The following TEX14 variants were observed in gnomAD, a reference collection of about 807,000 sequenced individuals.
TEX14 encodes inactive serine/threonine-protein kinase TEX14.
Under a neutral mutation model 178.6 loss-of-function variants are expected in TEX14, and 168 were observed. The observed-to-expected ratio is 0.94, with a 90% CI of 0.83 to 1.07. The LOEUF (loss-of-function observed/expected upper bound fraction) is 1.07. Ranked by LOEUF, TEX14 falls within the 50% of genes least tolerant of loss-of-function variation. The probability of loss-of-function intolerance (pLI) is 0.00; values close to 1 mark genes in which losing one functional copy is unlikely to be tolerated. For synonymous variants in TEX14, 626 were observed against 634.1 expected, an observed-to-expected ratio of 0.99 and a Z score of 0.19; for missense variants, 1,730 against 1,753.6, an observed-to-expected ratio of 0.99 and a Z score of 0.24.
chr17:58,596,399 A>C (rs1473004252), intron 14 of TEX14, among the ~76,000 whole-genome samples: 1 of 151,920 alleles, frequency 6.6e-6, no homozygotes, highest in Non-Finnish European at 1.5e-5. Context: ...CTCCCACTTC[A>C]GCCTCCCAAG....
chr17:58,655,159 C>T (rs1280434774), intron 1 of TEX14, among the ~76,000 whole-genome samples: 1 of 151,326 alleles, frequency 6.6e-6, no homozygotes, highest in African/African-American at 2.4e-5. Flanking sequence ...ATTACAGGCG[C>T]CTGCCACCAC....
intron 1 of TEX14, among the ~76,000 whole-genome samples, chr17:58,677,170 A>G (rs1354568243): frequency 2.0e-5 from 3 of 151,776 alleles, no homozygotes; most frequent in Admixed American, 2.0e-4. Context: ...ACATGCCTGT[A>G]CAGCTACTTG....
chr17:58,597,942 T>C (rs957671336), intron 14 of TEX14, among the ~76,000 whole-genome samples: 1 of 152,140 alleles, frequency 6.6e-6, no homozygotes, highest in Non-Finnish European at 1.5e-5. Flanking sequence ...GGGTTTTCTT[T>C]GATCCACCAG....
chr17:58,566,207 C>T (rs1022030081), intron 26 of TEX14, among the ~76,000 whole-genome samples: 1 of 152,178 alleles, frequency 6.6e-6, no homozygotes, highest in Non-Finnish European at 1.5e-5. Flanking sequence ...TCTAAGCACT[C>T]GCATACATTA....
chr17:58,651,287 GA>G (rs2046835208), intron 2 of TEX14, among the ~76,000 whole-genome samples: 1 of 151,572 alleles, frequency 6.6e-6, no homozygotes, highest in South Asian at 2.1e-4. Context: ...AAAAGAAAAA[GA>G]AAAAAAACAG....
intron 2 of TEX14, among the ~76,000 whole-genome samples, chr17:58,637,396 C>T (rs940067018): frequency 5.3e-5 from 8 of 152,208 alleles, no homozygotes; most frequent in African/African-American, 1.9e-4. Context: ...ATCAGGATGA[C>T]AGCTGGTCAC....
chr17:58,679,696 C>T (rs922788031), intron 1 of TEX14: 6 of 152,098 alleles, frequency 3.9e-5, no homozygotes, highest in African/African-American at 1.2e-4. Context: ...AGTATGAGTC[C>T]CCAGCGCTGC....
intron 2 of TEX14, among the ~76,000 whole-genome samples, chr17:58,646,710 C>CAA (rs764099071): frequency 2.6e-5 from 4 of 152,152 alleles, no homozygotes; most frequent in Non-Finnish European, 4.4e-5. Flanking sequence ...ACCCCATAGA[C>CAA]AAGGAGGCTC....
intron 15 of TEX14, among the ~76,000 whole-genome samples, chr17:58,588,921 A>T (rs1377533500): frequency 1.3e-5 from 2 of 152,178 alleles, no homozygotes; most frequent in Non-Finnish European, 2.9e-5. Context: ...AAACAAATAA[A>T]GTTTATAAAT....
intron 21 of TEX14, among the ~76,000 whole-genome samples, chr17:58,576,191 A>C (rs1392868122): frequency 6.6e-6 from 1 of 152,242 alleles, no homozygotes; most frequent in Non-Finnish European, 1.5e-5. Flanking sequence ...AATTGTAAGA[A>C]ATACACTTTA....
At chr17:58,655,330 C>T (rs1181830109) in intron 1 of TEX14, among the ~76,000 whole-genome samples, 3 of 152,000 alleles carry the variant, frequency 2.0e-5, no homozygotes, top group Non-Finnish European at 2.9e-5. Context: ...CCTACAGGCA[C>T]GCACCACAAT....
Position 58,577,353 on chromosome 17 carries a change from A to G in TEX14, c.3320+22T>C, listed in dbSNP as rs193148677. The G allele has an allele frequency of 1.8e-4, 202 of 1,098,426 alleles. 2 individuals carry two copies. In the African/African-American group the frequency reaches 3.0e-3, roughly 17 times the overall value. The allele number at this position is 1,098,426 out of a possible 1,614,324, so 68.0% of individuals were successfully genotyped here. On this transcript the variant is annotated intron_variant, in intron 21 of 31. Coordinates refer to ENST00000349033, the MANE Select transcript of TEX14 (RefSeq NM_031272.5). ...ATTGCATCTATGAGTTTGAAACTGC[A>G]TAAGATAATAATAGCCCATACCTTC... is the stretch of plus-strand genomic sequence containing the variant.
chr17:58,617,408 A>T lies in TEX14; in HGVS notation c.636+130T>A, dbSNP rs1023726127. The T allele has an allele frequency of 1.7e-5, 11 of 651,596 alleles. No individual in the cohort carries two copies. In the Admixed American group the frequency reaches 2.8e-4, roughly 17 times the overall value. The allele number at this position is 651,596 out of a possible 1,614,324, so 40.4% of individuals were successfully genotyped here. A position where few individuals can be genotyped will look rare whatever the true frequency, so the allele number is the denominator to read the frequency against. Reference sequence around the variant, plus strand: ...CACTAAGAGATACCTTTCCCTCAATAGGGGCAAAAAAGAAAAGAACAACAC... The same window carrying T: ...CACTAAGAGATACCTTTCCCTCAATTGGGGCAAAAAAGAAAAGAACAACAC... On this transcript the variant is annotated intron_variant, in intron 6 of 31. Coordinates refer to ENST00000349033, the MANE Select transcript of TEX14 (RefSeq NM_031272.5).
At chr17:58,624,341 CTTTT>C (rs34422419) in intron 3 of TEX14, among the ~76,000 whole-genome samples, 1 of 128,624 alleles carries the variant, frequency 7.8e-6, no homozygotes, top group Non-Finnish European at 1.7e-5. Flanking sequence ...CTTTTCTTTT[CTTTT>C]TTTTTTTTTT....
chr17:58,565,868 C>T lies in TEX14; in HGVS notation c.3887-44G>A, dbSNP rs769455675. The T allele has an allele frequency of 2.0e-5, 29 of 1,467,802 alleles. No individual in the cohort carries two copies. The East Asian group carries it at 3.6e-4, about 18-fold the overall frequency. The allele number at this position is 1,467,802 out of a possible 1,614,324, so 90.9% of individuals were successfully genotyped here. The stretch of plus-strand genomic sequence containing the variant: ...CAAAGGAAACTTATTTCCTCCCTTG[C>T]GTGTCCTGCCGTTCTCTAGAGCAGT... On this transcript the variant is annotated intron_variant, in intron 26 of 31. Transcript: ENST00000349033.
At chr17:58,630,690 AAAG>A (rs1220062953) in intron 2 of TEX14, 136 bp from the exon 3 acceptor site, 2 of 613,042 alleles carry the variant, frequency 3.3e-6, no homozygotes, top group Non-Finnish European at 5.8e-6. Flanking sequence ...AAAAAAGTAC[AAAG>A]AAGGTCTTCA....
chr17:58,670,772 T>C (rs621553), intron 1 of TEX14, among the ~76,000 whole-genome samples: 27,367 of 32,928 alleles, frequency 0.83, 12,423 homozygotes, highest in South Asian at 0.89. Context: ...GACTCCCTCT[T>C]AAAAAAAAAA....
At chr17:58,582,281 A>G (rs775235265) in intron 19 of TEX14, among the ~76,000 whole-genome samples, 1 of 152,212 alleles carries the variant, frequency 6.6e-6, no homozygotes, top group Non-Finnish European at 1.5e-5. Flanking sequence ...TTTTTCTGAG[A>G]CAGAGTCTCT....
intron 1 of TEX14, among the ~76,000 whole-genome samples, chr17:58,671,370 T>TGA (rs2047301241): frequency 6.6e-6 from 1 of 152,204 alleles, no homozygotes; most frequent in Non-Finnish European, 1.5e-5. Context: ...TGAGGGACTG[T>TGA]GAATGTGAGA....
Sources: gnomAD v4.1 joint callset for allele counts (sites outside exome capture counted in the v4.1 genomes callset) on GRCh38, gnomAD v4.1.1 for gene constraint, MANE v1.5 for transcripts, NCBI Gene and HGNC (gene_info 2026-07-23, HGNC 2026-07-21) for gene names.